SMAP1: variants seen among roughly 807,000 people sequenced by gnomAD.
The protein encoded by SMAP1 is stromal membrane-associated protein 1.
In SMAP1, 24 loss-of-function variants were observed where a neutral mutation model predicts 58.5. That is an observed-to-expected ratio of 0.41 (90% confidence interval 0.30 to 0.58). The LOEUF (loss-of-function observed/expected upper bound fraction) is 0.58, where lower values mean the gene tolerates loss of function less well. SMAP1 is among the 20% of genes least tolerant of loss of function. The probability of loss-of-function intolerance (pLI) is 0.29; values close to 1 mark genes in which losing one functional copy is unlikely to be tolerated. For synonymous variants in SMAP1, 216 were observed against 196.6 expected (o/e 1.10, Z -0.82); for missense variants, 563 against 566.3 (o/e 0.99, Z 0.06).
chr6:70,753,900 AG>A (rs1313018808), intron 2 of SMAP1, among the ~76,000 whole-genome samples: 2 of 152,084 alleles, frequency 1.3e-5, no homozygotes, highest in South Asian at 2.1e-4. Context: ...GAGGTGAGGA[AG>A]AATAGATACC....
At chr6:70,684,408 C>G (rs1318866092) in intron 1 of SMAP1, among the ~76,000 whole-genome samples, 1 of 152,018 alleles carries the variant, frequency 6.6e-6, no homozygotes, top group Non-Finnish European at 1.5e-5. Flanking sequence ...TTTAAGGATC[C>G]TAAGTCACCT....
chr6:70,689,858 G>C (rs1324320686), intron 1 of SMAP1, among the ~76,000 whole-genome samples: 4 of 151,828 alleles, frequency 2.6e-5, no homozygotes, highest in African/African-American at 9.7e-5. Context: ...TTTAATTTCT[G>C]ATTATTACTA....
intron 1 of SMAP1, among the ~76,000 whole-genome samples, chr6:70,715,471 A>T (rs1768230638): frequency 6.6e-6 from 1 of 152,178 alleles, no homozygotes; most frequent in African/African-American, 2.4e-5. Flanking sequence ...TTTCCCAGGC[A>T]TGGGAAGTTT....
intron 3 of SMAP1, among the ~76,000 whole-genome samples, chr6:70,770,058 A>T (rs1461960602): frequency 2.0e-5 from 3 of 149,870 alleles, no homozygotes; most frequent in Non-Finnish European, 4.4e-5. Flanking sequence ...AATTCTTTTA[A>T]GAATGTTGAA....
chr6:70,673,648 A>G (rs1220364105), intron 1 of SMAP1, among the ~76,000 whole-genome samples: 6 of 152,246 alleles, frequency 3.9e-5, no homozygotes, highest in East Asian at 1.9e-4. Flanking sequence ...ACAAATTTAT[A>G]TAAGTGAAAG....
At chr6:70,782,070 C>T (rs947650340) in intron 4 of SMAP1, among the ~76,000 whole-genome samples, 4 of 152,088 alleles carry the variant, frequency 2.6e-5, no homozygotes, top group Admixed American at 6.5e-5. Flanking sequence ...GGTGGGAGTT[C>T]GGAAGGACAT....
intron 2 of SMAP1, 61 bp downstream of exon 2, chr6:70,732,572 C>A (rs1370048287): frequency 8.1e-6 from 11 of 1,351,748 alleles, no homozygotes; most frequent in East Asian, 2.8e-5. Flanking sequence ...AAATATTTAA[C>A]CCTTCTTGCA....
chr6:70,719,142 G>C (rs1248922321), intron 1 of SMAP1, among the ~76,000 whole-genome samples: 2 of 152,096 alleles, frequency 1.3e-5, no homozygotes, highest in Non-Finnish European at 2.9e-5. Context: ...ACAGAGAAAA[G>C]TACTTGTTCT....
intron 7 of SMAP1, among the ~76,000 whole-genome samples, chr6:70,850,561 TTATA>T: frequency 6.6e-6 from 1 of 151,194 alleles, no homozygotes; most frequent in African/African-American, 2.4e-5. Flanking sequence ...TATATACATT[TTATA>T]TATATAATTA....
At chr6:70,782,713 C>G (rs1395072664) in intron 4 of SMAP1, among the ~76,000 whole-genome samples, 4 of 152,178 alleles carry the variant, frequency 2.6e-5, no homozygotes, top group African/African-American at 9.7e-5. Flanking sequence ...TCTAGCCCTA[C>G]TATGGATGTT....
At chr6:70,683,918 C>G (rs911511422) in intron 1 of SMAP1, among the ~76,000 whole-genome samples, 1 of 152,156 alleles carries the variant, frequency 6.6e-6, no homozygotes, top group Non-Finnish European at 1.5e-5. Flanking sequence ...TTTGTCAGGT[C>G]ACGTATTAAT....
At chr6:70,814,107 G>A in intron 6 of SMAP1, among the ~76,000 whole-genome samples, 1 of 152,112 alleles carries the variant, frequency 6.6e-6, no homozygotes, top group East Asian at 1.9e-4. Flanking sequence ...GGCCTTGGGA[G>A]TTTCTAGTCT....
chr6:70,851,123 A>G (rs1253774647), intron 7 of SMAP1, among the ~76,000 whole-genome samples: 3 of 152,192 alleles, frequency 2.0e-5, no homozygotes, highest in African/African-American at 7.2e-5. Context: ...ATAATGTGAT[A>G]TCACTGAAAA....
At chr6:70,804,165 G>T (rs868540949) in intron 6 of SMAP1, among the ~76,000 whole-genome samples, 9 of 152,074 alleles carry the variant, frequency 5.9e-5, no homozygotes, top group African/African-American at 1.7e-4. Context: ...TATGAATCTG[G>T]GTGCTCCTGT....
chr6:70,715,801 C>G (rs924316923), intron 1 of SMAP1, among the ~76,000 whole-genome samples: 6 of 151,974 alleles, frequency 3.9e-5, no homozygotes, highest in African/African-American at 7.3e-5. Flanking sequence ...TGAGTAAGTT[C>G]TTTAGTGGTG....
At chr6:70,803,583 T>C (rs1768967158) in intron 6 of SMAP1, among the ~76,000 whole-genome samples, 1 of 152,256 alleles carries the variant, frequency 6.6e-6, no homozygotes, top group South Asian at 2.1e-4. Flanking sequence ...TTAATTGTGA[T>C]GTTAGGGTGT....
In SMAP1 at chr6:70,837,046, AAAGTCACTG is replaced by A; in HGVS notation, c.664+19_664+27del. The A allele has an allele frequency of 6.5e-7, 1 of 1,533,838 alleles. No individual in the cohort carries two copies. Among genetic ancestry groups the A allele is most frequent in the Non-Finnish European group, 8.8e-7 (1 of 1,137,458 alleles). Reference sequence around the variant, plus strand: ...AGGACTTGGTAAGTAATAAAAAATAAAAGTCACTGCTGGAGTTACAAAACAATTGAAACC... The same window carrying A: ...AGGACTTGGTAAGTAATAAAAAATAACTGGAGTTACAAAACAATTGAAACC... On this transcript the variant is annotated intron_variant, in intron 7 of 10. Transcript: ENST00000370455.
intron 7 of SMAP1, among the ~76,000 whole-genome samples, chr6:70,840,960 A>G (rs1359627519): frequency 1.3e-5 from 2 of 152,212 alleles, no homozygotes; most frequent in Non-Finnish European, 2.9e-5. Context: ...GGGTCCCCTT[A>G]CTTAGGAAGC....
intron 6 of SMAP1, among the ~76,000 whole-genome samples, chr6:70,826,367 A>G (rs935321548): frequency 3.9e-5 from 6 of 152,098 alleles, no homozygotes; most frequent in African/African-American, 1.4e-4. Context: ...TAAGCTTGAC[A>G]TGGATTCTAT....
Sources: allele counts gnomAD v4.1 joint callset (sites outside exome capture counted in the v4.1 genomes callset), GRCh38; gene constraint gnomAD v4.1.1; transcripts MANE v1.5; gene names NCBI Gene and HGNC (gene_info 2026-07-23, HGNC 2026-07-21).